The following BDH1 variants were observed in gnomAD, a reference collection of about 807,000 sequenced individuals.
BDH1 encodes D-beta-hydroxybutyrate dehydrogenase, mitochondrial.
In BDH1, 30 loss-of-function variants were observed where a neutral mutation model predicts 33.1. The ratio of observed to expected loss-of-function variants is 0.91; its 90% confidence interval spans 0.68 to 1.23. The LOEUF (loss-of-function observed/expected upper bound fraction) is 1.23, where lower values mean the gene tolerates loss of function less well. Ranked by LOEUF, BDH1 falls within the 50% of genes most tolerant of loss-of-function variation. The pLI is 0.00. For missense variants in BDH1, 443 were observed against 464.4 expected, an observed-to-expected ratio of 0.95 and a Z score of 0.42; for synonymous variants, 190 against 183.6, an observed-to-expected ratio of 1.03 and a Z score of -0.28.
At chr3:197,553,171 G>A (rs1716709052) in intron 2 of BDH1, among the ~76,000 whole-genome samples, 1 of 151,198 alleles carries the variant, frequency 6.6e-6, no homozygotes, top group Admixed American at 6.6e-5. Context: ...GCCCACCTCG[G>A]CCTCCCAAAG....
intron 2 of BDH1, among the ~76,000 whole-genome samples, chr3:197,552,982 A>G (rs1281375211): frequency 6.6e-6 from 1 of 152,014 alleles, no homozygotes; most frequent in East Asian, 2.0e-4. Flanking sequence ...CAGGGGTGCA[A>G]TCTTGGCTCA....
In BDH1 at chr3:197,540,128, G is replaced by T. The variant is rs111481407; in HGVS notation, c.83+6233C>A. On this transcript the variant is annotated intron_variant, in intron 3 of 7. Coordinates refer to ENST00000392379, the MANE Select transcript of BDH1 (RefSeq NM_203314.3). ...TGCTGTGGCACAACCTTGGCTCACT[G>T]CAACCTCCGCCTCCCGGGTTCAAGC... Among the ~76,000 whole-genome samples the T allele has an allele frequency of 8.8e-3, 1,333 of 152,048 alleles. 26 individuals carry two copies. The highest frequency in any genetic ancestry group is 0.031 in the African/African-American group (1,271 of 41,474).
chr3:197,510,602 GTGTGTGTGT>G lies in BDH1; in HGVS notation c.*1284_*1292del, dbSNP rs1711834798. ...CGCTGAAGCCCTGCAGAACAGGGGTGTGTGTGTGTGTGTGTGTGTGTGTGTGTGTGTGTG... is the reference window on the plus strand; with the variant it reads ...CGCTGAAGCCCTGCAGAACAGGGGTGGTGTGTGTGTGTGTGTGTGTGTGTG... On this transcript the variant is annotated 3_prime_UTR_variant, in exon 8 of 8. Transcript: ENST00000392379. The G allele has an allele frequency of 5.8e-5, 1 of 17,130 alleles. No homozygotes were observed. Among genetic ancestry groups the G allele is most frequent in the Non-Finnish European group, 1.1e-4 (1 of 8,764 alleles). The allele number at this position is 17,130 out of a possible 1,614,324, so 1.1% of individuals were successfully genotyped here.
At chr3:197,564,179 A>G (rs1434367693) in intron 1 of BDH1, among the ~76,000 whole-genome samples, 1 of 151,814 alleles carries the variant, frequency 6.6e-6, no homozygotes, top group East Asian at 1.9e-4. Flanking sequence ...ATAATTTCAT[A>G]TAAGAAAGAA....
rs999658567 is a variant in BDH1, at chr3:197,521,726, C to T, written c.409+914G>A. 3.9e-5 allele frequency among the ~76,000 whole-genome samples: 6 copies of T among 152,186 alleles called. No individual in the cohort carries two copies. The highest frequency in any genetic ancestry group is 1.4e-4 in the African/African-American group (6 of 41,452). ...TCACCTCATCCCCACATCCAAGTCACCAAGTCCAGGCAGCTTCGCCTTCTC... is the reference window on the plus strand; with the variant it reads ...TCACCTCATCCCCACATCCAAGTCATCAAGTCCAGGCAGCTTCGCCTTCTC... On this transcript the variant is annotated intron_variant, in intron 6 of 7. Coordinates refer to ENST00000392379, the MANE Select transcript of BDH1 (RefSeq NM_203314.3). This position sits in a 1 kb window ranked among gnomAD's most constrained non-coding sequence, Gnocchi z 4.9.
In BDH1 at chr3:197,522,618, G is replaced by C. The variant is rs373491795; in HGVS notation, c.409+22C>G. 1.9e-6 allele frequency: 3 copies of C among 1,613,282 alleles called. No homozygotes were observed. Among genetic ancestry groups the C allele is most frequent in the Non-Finnish European group, 2.5e-6 (3 of 1,179,688 alleles). ...TGGAATGGCCCCATACACAACCCCTGCCGTCCGAAGGGGCGCCCTACCTTT... is the reference window on the plus strand; with the variant it reads ...TGGAATGGCCCCATACACAACCCCTCCCGTCCGAAGGGGCGCCCTACCTTT... On this transcript the variant is annotated intron_variant, in intron 6 of 7. Coordinates refer to ENST00000392379, the MANE Select transcript of BDH1 (RefSeq NM_203314.3). This position sits in a 1 kb window ranked among gnomAD's most constrained non-coding sequence, Gnocchi z 4.8.
chr3:197,546,361 C>T lies in BDH1; in HGVS notation c.83G>A (p.Arg28Lys), dbSNP rs1038584249. The T allele has an allele frequency of 6.2e-7, 1 of 1,613,992 alleles. No homozygotes were observed. Among genetic ancestry groups the T allele is most frequent in the African/African-American group, 1.3e-5 (1 of 74,916 alleles). ...GCCACCACCACCTCTGGTTGCTTAC[C>T]TTGCTCCATTTTCTCTATCACAGGC... ...LSACDRENGA[R>K]RPLLLGSTSF... The change falls in exon 3 of 8, where the codon AGA becomes AAA. Residue 28 changes from arginine (R) to lysine (K), a missense_variant and splice_region_variant. By Grantham distance (26) the Arg-to-Lys change is conservative (BLOSUM62 2). Coordinates refer to ENST00000392379, the MANE Select transcript of BDH1 (RefSeq NM_203314.3).
intron 4 of BDH1, 142 bp downstream of exon 4, chr3:197,533,347 G>T: frequency 2.5e-6 from 2 of 807,452 alleles, no homozygotes; most frequent in Non-Finnish European, 4.1e-6. Context: ...GAGGGGCTTT[G>T]GGGGAGGGTT....
intron 3 of BDH1, among the ~76,000 whole-genome samples, chr3:197,543,683 G>A (rs558998804): frequency 5.8e-4 from 89 of 152,194 alleles, no homozygotes; most frequent in Non-Finnish European, 1.2e-3. Context: ...AAGAGTGGTG[G>A]GTGTTTTGTT....
chr3:197,514,554 C>G lies in BDH1; in HGVS notation c.410-138G>C, dbSNP rs1712482658. 5.8e-6 allele frequency: 6 copies of G among 1,032,038 alleles called. No individual in the cohort carries two copies. The highest frequency in any genetic ancestry group is 5.5e-6 in the Non-Finnish European group (4 of 722,230). 63.9% of individuals were successfully genotyped at this position (1,032,038 alleles called of 1,614,324 possible). ...TCGCCCAGTGCTCTCAAGAAACTTT[C>G]TAGAGTCACTCAGGAACGACAGGAG... On this transcript the variant is annotated intron_variant, in intron 6 of 7. Transcript: ENST00000392379. The surrounding 1 kb of genome is among the most constrained non-coding windows in gnomAD (Gnocchi z 4.2).
rs550865666 is a variant in BDH1 at position 197,554,253 on chromosome 3, C to T, written c.-44+309G>A. 6.6e-5 allele frequency: 10 copies of T among 152,314 alleles called. No homozygotes were observed. The East Asian group carries it at 1.5e-3, about 24-fold the overall frequency. The allele number at this position is 152,314 out of a possible 1,614,324, so 9.4% of individuals were successfully genotyped here. A position where few individuals can be genotyped will look rare whatever the true frequency, so the allele number is the denominator to read the frequency against. ...TCCCTTCTGTGCCTCTGTAACTGCA[C>T]CTACCTAGCCAGGGTCGTATTCGAG... On this transcript the variant is annotated intron_variant, in intron 2 of 7. Coordinates refer to ENST00000392379, the MANE Select transcript of BDH1 (RefSeq NM_203314.3). The surrounding 1 kb of genome is among the most constrained non-coding windows in gnomAD (Gnocchi z 4.4).
rs528458281 is a variant in BDH1 at position 197,554,524 on chromosome 3, C to G, written c.-44+38G>C. On this transcript the variant is annotated intron_variant, in intron 2 of 7. Transcript: ENST00000392379. The surrounding 1 kb of genome is among the most constrained non-coding windows in gnomAD (Gnocchi z 4.4). The stretch of plus-strand genomic sequence containing the variant: ...GGGATATATACGCCCTATGCAGAGC[C>G]CGGCTCCAACGCCTCTTGTAGAAAG... 16 of 152,338 alleles carry G rather than the reference C, an allele frequency of 1.1e-4. No homozygotes were observed. Among genetic ancestry groups the G allele is most frequent in the African/African-American group, 3.6e-4 (15 of 41,562 alleles). The allele number at this position is 152,338 out of a possible 1,614,324, so 9.4% of individuals were successfully genotyped here.
chr3:197,524,236 G>A (rs925963783), intron 5 of BDH1, among the ~76,000 whole-genome samples: 1 of 152,242 alleles, frequency 6.6e-6, no homozygotes, highest in Non-Finnish European at 1.5e-5. Flanking sequence ...AAGAGGACAG[G>A]ACTAGCAGCC....
intron 5 of BDH1, among the ~76,000 whole-genome samples, chr3:197,531,742 C>G (rs746023942): frequency 3.9e-5 from 6 of 152,252 alleles, no homozygotes; most frequent in Admixed American, 1.3e-4. Context: ...TGGACGTATT[C>G]TAAAGTGGAT....
chr3:197,554,921 G>A lies in BDH1; in HGVS notation c.-195-208C>T, dbSNP rs868282903. On this transcript the variant is annotated intron_variant, in intron 1 of 7. Transcript: ENST00000392379. The surrounding 1 kb of genome is among the most constrained non-coding windows in gnomAD (Gnocchi z 4.4). Reference sequence around the variant, plus strand: ...GCAGAGCGCGAGAACGCCCGAGACGGCGGCGCAGCCAATCCCAGAGCAGCG... The same window carrying A: ...GCAGAGCGCGAGAACGCCCGAGACGACGGCGCAGCCAATCCCAGAGCAGCG... Among the ~76,000 whole-genome samples, 7 of 152,388 alleles carry A rather than the reference G, an allele frequency of 4.6e-5. No individual in the cohort carries two copies. Among genetic ancestry groups the A allele is most frequent in the South Asian group, 2.1e-4 (1 of 4,834 alleles).
intron 1 of BDH1, among the ~76,000 whole-genome samples, chr3:197,566,356 A>AGG (rs1717431642): frequency 6.6e-6 from 1 of 152,218 alleles, no homozygotes; most frequent in Non-Finnish European, 1.5e-5. Flanking sequence ...GCCATTGTAA[A>AGG]GGGTTCCTGA....
chr3:197,541,388 G>A (rs574224165), intron 3 of BDH1, among the ~76,000 whole-genome samples: 6 of 152,326 alleles, frequency 3.9e-5, no homozygotes, highest in Admixed American at 1.3e-4. Flanking sequence ...TTGGAAATGT[G>A]ATCATGGTCG....
At chr3:197,551,000 GTAA>G (rs1182251886) in intron 2 of BDH1, among the ~76,000 whole-genome samples, 1 of 152,158 alleles carries the variant, frequency 6.6e-6, no homozygotes, top group Non-Finnish European at 1.5e-5. Context: ...CATACAATGT[GTAA>G]TAATCACCTG....
At chr3:197,543,571 G>A (rs1048017325) in intron 3 of BDH1, among the ~76,000 whole-genome samples, 17 of 152,228 alleles carry the variant, frequency 1.1e-4, no homozygotes, top group African/African-American at 4.1e-4. Context: ...AGCACAGCAG[G>A]TTGTCAAGTG....
Sources: gnomAD v4.1 joint callset for allele counts (sites outside exome capture counted in the v4.1 genomes callset) on GRCh38, gnomAD v4.1.1 for gene constraint, Gnocchi (gnomAD v3.1) non-coding constraint, MANE v1.5 for transcripts, NCBI Gene and HGNC (gene_info 2026-07-23, HGNC 2026-07-21) for gene names.